TTC28: variants seen among roughly 807,000 people sequenced by gnomAD.
The protein encoded by TTC28 is tetratricopeptide repeat domain 28.
Under a neutral mutation model 198.0 loss-of-function variants are expected in TTC28, and 61 were observed. That is an observed-to-expected ratio of 0.31 (90% CI 0.25 to 0.38). The LOEUF (loss-of-function observed/expected upper bound fraction) is 0.38, where lower values mean the gene tolerates loss of function less well. Ranked by LOEUF, TTC28 falls within the 10% of genes least tolerant of loss-of-function variation. The pLI, the probability that TTC28 is intolerant of heterozygous loss-of-function variation, is 1.00. For missense variants in TTC28, 2,678 were observed against 3,164.0 expected (o/e 0.85, Z 3.69); for synonymous variants, 1,171 against 1,297.8 (o/e 0.90, Z 2.10).
At chr22:28,660,649 G>C (rs1028391251) in intron 1 of TTC28, among the ~76,000 whole-genome samples, 2 of 151,354 alleles carry the variant, frequency 1.3e-5, no homozygotes, top group Non-Finnish European at 2.9e-5. Context: ...TCAACCTCCC[G>C]AGTAGCTGAT....
intron 12 of TTC28, among the ~76,000 whole-genome samples, chr22:28,087,943 T>A (rs1008997053): frequency 6.6e-6 from 1 of 152,062 alleles, no homozygotes; most frequent in African/African-American, 2.4e-5. Flanking sequence ...TACCTAGGAA[T>A]CCAACTTACA....
intron 2 of TTC28, among the ~76,000 whole-genome samples, chr22:28,501,361 A>T (rs1045595569): frequency 1.3e-5 from 2 of 152,158 alleles, no homozygotes; most frequent in African/African-American, 4.8e-5. Context: ...AAGGAAAGCA[A>T]ATGAGTGTAA....
chr22:28,678,975 G>A lies in TTC28; in HGVS notation c.102+647C>T, dbSNP rs189997351. The stretch of plus-strand genomic sequence containing the variant: ...TGATTCCTACGCTCTAACGGGTTTG[G>A]GAGGCAAGGGTGGGGGTAAGCTCGA... On this transcript the variant is annotated intron_variant, in intron 1 of 22. Transcript: ENST00000397906. Among the ~76,000 whole-genome samples, 147 of 152,308 alleles carry A rather than the reference G, an allele frequency of 9.7e-4. 2 individuals carry two copies. Among genetic ancestry groups the A allele is most frequent in the Middle Eastern group, 3.4e-3 (1 of 294 alleles).
At chr22:28,024,560 G>A (rs976530931) in intron 13 of TTC28, among the ~76,000 whole-genome samples, 5 of 152,220 alleles carry the variant, frequency 3.3e-5, no homozygotes, top group African/African-American at 7.2e-5. Flanking sequence ...CCCAGCCAGA[G>A]GGGGGACAGC....
chr22:28,659,774 T>C (rs1334467442), intron 1 of TTC28, among the ~76,000 whole-genome samples: 1 of 151,484 alleles, frequency 6.6e-6, no homozygotes, highest in Non-Finnish European at 1.5e-5. Context: ...AATCTTTTAT[T>C]TTAATTTAAA....
At chr22:28,028,949 T>G (rs770550448) in intron 13 of TTC28, 29 of 470,094 alleles carry the variant, frequency 6.2e-5, no homozygotes, top group South Asian at 4.2e-4. Flanking sequence ...AGCTTGTGAG[T>G]GGCAAGGCCA....
At chr22:28,641,050 G>A (rs1235637298) in intron 1 of TTC28, among the ~76,000 whole-genome samples, 2 of 152,182 alleles carry the variant, frequency 1.3e-5, no homozygotes, top group Admixed American at 6.5e-5. Context: ...AATAGGCCAG[G>A]CACAGTGGCT....
At chr22:28,148,146 T>A (rs1335013890) in intron 6 of TTC28, among the ~76,000 whole-genome samples, 3 of 152,212 alleles carry the variant, frequency 2.0e-5, no homozygotes, top group African/African-American at 7.2e-5. Flanking sequence ...CAGACTCTCA[T>A]TTAGCTATAG....
intron 13 of TTC28, among the ~76,000 whole-genome samples, 157 bp downstream of exon 13, chr22:28,030,069 C>T (rs928028451): frequency 5.3e-5 from 8 of 152,234 alleles, no homozygotes; most frequent in African/African-American, 1.7e-4. Flanking sequence ...GAGGCCCTGA[C>T]GGGCATGGGG....
At chr22:28,391,516 T>C in intron 2 of TTC28, among the ~76,000 whole-genome samples, 1 of 152,210 alleles carries the variant, frequency 6.6e-6, no homozygotes, top group Non-Finnish European at 1.5e-5. Flanking sequence ...CATAGTCCCA[T>C]ATTTCTTGGA....
chr22:28,516,815 A>G (rs1205718748), intron 2 of TTC28, among the ~76,000 whole-genome samples: 1 of 152,242 alleles, frequency 6.6e-6, no homozygotes, highest in African/African-American at 2.4e-5. Context: ...GTGAAGTAAC[A>G]GATATGTTAA....
chr22:28,014,139 G>T, intron 14 of TTC28, 109 bp downstream of exon 14: 1 of 1,339,796 alleles, frequency 7.5e-7, no homozygotes, highest in Non-Finnish European at 9.9e-7. Flanking sequence ...GAAAGCCTCC[G>T]GTTGTCTCGG....
intron 1 of TTC28, among the ~76,000 whole-genome samples, chr22:28,647,559 G>A (rs2051488594): frequency 6.6e-6 from 1 of 152,188 alleles, no homozygotes. Context: ...GGGCAAATGG[G>A]CCAGGCGTGG....
intron 13 of TTC28, among the ~76,000 whole-genome samples, chr22:28,018,961 A>G (rs1255278364): frequency 2.0e-5 from 3 of 152,238 alleles, no homozygotes; most frequent in Non-Finnish European, 1.5e-5. Flanking sequence ...TCCCTTTCAC[A>G]TGCAGTTTCT....
chr22:28,048,648 C>A (rs548420695), intron 12 of TTC28, among the ~76,000 whole-genome samples: 21 of 152,260 alleles, frequency 1.4e-4, no homozygotes, highest in African/African-American at 4.8e-4. Flanking sequence ...TGCTGTCCAC[C>A]ACCTAGAGGA....
intron 9 of TTC28, 121 bp from the exon 10 acceptor site, chr22:28,099,165 A>T: frequency 7.3e-7 from 1 of 1,362,430 alleles, no homozygotes; most frequent in Non-Finnish European, 9.9e-7. Flanking sequence ...TACAGATTTG[A>T]AAGGAAGAGT....
At chr22:28,033,654 G>T (rs1939220360) in intron 12 of TTC28, among the ~76,000 whole-genome samples, 1 of 152,108 alleles carries the variant, frequency 6.6e-6, no homozygotes, top group Non-Finnish European at 1.5e-5. Flanking sequence ...TTATTGTGTG[G>T]TTTCTTATTC....
chr22:28,166,353 C>A (rs1921948375), intron 5 of TTC28, among the ~76,000 whole-genome samples: 1 of 152,196 alleles, frequency 6.6e-6, no homozygotes. Flanking sequence ...CTCTCCACCC[C>A]AAATCAACAG....
chr22:28,236,391 G>A (rs1002800960), intron 5 of TTC28, among the ~76,000 whole-genome samples: 37 of 152,112 alleles, frequency 2.4e-4, no homozygotes, highest in African/African-American at 8.2e-4. Context: ...ATTGGTGTTC[G>A]GAGTAGAGTT....
Sources: allele counts gnomAD v4.1 joint callset (sites outside exome capture counted in the v4.1 genomes callset), GRCh38; gene constraint gnomAD v4.1.1; transcripts MANE v1.5; gene names NCBI Gene and HGNC (gene_info 2026-07-23, HGNC 2026-07-21).